CALN1: variants seen among roughly 807,000 people sequenced by gnomAD.
The protein encoded by CALN1 is calneuron 1, also known as calcium-binding protein 8.
Under a neutral mutation model 30.6 loss-of-function variants are expected in CALN1, and 17 were observed. That is an observed-to-expected ratio of 0.56 (90% confidence interval 0.38 to 0.83). CALN1 has a LOEUF of 0.83. CALN1 is among the 40% of genes least tolerant of loss of function. The pLI, the probability that CALN1 is intolerant of heterozygous loss-of-function variation, is 0.00. For missense variants in CALN1, 291 were observed against 354.9 expected (o/e 0.82, Z 1.45); for synonymous variants, 156 against 131.4 (o/e 1.19, Z -1.28).
intron 3 of CALN1, among the ~76,000 whole-genome samples, chr7:72,194,536 A>T (rs1462521511): frequency 9.2e-5 from 14 of 152,022 alleles, no homozygotes; most frequent in Admixed American, 9.2e-4. Context: ...TCTCAAACAA[A>T]AACAAAAACA....
At chr7:72,179,679 A>G (rs113136394) in intron 3 of CALN1, among the ~76,000 whole-genome samples, 35 of 152,324 alleles carry the variant, frequency 2.3e-4, no homozygotes, top group Middle Eastern at 3.4e-3. Flanking sequence ...ATCGCCATAT[A>G]ACCATAACTC....
intron 4 of CALN1, among the ~76,000 whole-genome samples, chr7:72,034,412 G>C (rs980955061): frequency 1.1e-4 from 16 of 151,356 alleles, no homozygotes; most frequent in Non-Finnish European, 2.4e-4. Flanking sequence ...GTCAGGAGGA[G>C]GACGTACTGG....
At chr7:72,429,811 G>A (rs1017850435) in intron 1 of CALN1, among the ~76,000 whole-genome samples, 32 of 150,208 alleles carry the variant, frequency 2.1e-4, no homozygotes, top group African/African-American at 7.8e-4. Context: ...GTGTATATAT[G>A]TATGTGTGTG....
At chr7:72,350,294 G>A (rs1193316843) in intron 2 of CALN1, among the ~76,000 whole-genome samples, 1 of 152,104 alleles carries the variant, frequency 6.6e-6, no homozygotes, top group Non-Finnish European at 1.5e-5. Flanking sequence ...ATACCCAAAG[G>A]AATATGAATC....
At chr7:72,000,462 C>A (rs1799469242) in intron 5 of CALN1, among the ~76,000 whole-genome samples, 1 of 151,834 alleles carries the variant, frequency 6.6e-6, no homozygotes, top group Non-Finnish European at 1.5e-5. Context: ...ACCACAAACC[C>A]CTAAAACAGA....
At chr7:72,482,052 G>T in the CALN1 span, among the ~76,000 whole-genome samples, 1 of 152,110 alleles carries the variant, frequency 6.6e-6, no homozygotes, top group East Asian at 1.9e-4. Context: ...CTGCCTTCAG[G>T]TATTTCGAAG....
intron 2 of CALN1, among the ~76,000 whole-genome samples, chr7:72,335,611 G>A (rs1444701027): frequency 1.3e-5 from 2 of 152,244 alleles, no homozygotes; most frequent in Non-Finnish European, 2.9e-5. Context: ...CCGGCTCAGG[G>A]CCTGGGGATG....
chr7:72,384,333 A>C (rs996412285), intron 2 of CALN1, among the ~76,000 whole-genome samples: 10 of 152,340 alleles, frequency 6.6e-5, no homozygotes, highest in African/African-American at 2.4e-4. Flanking sequence ...AGAATAAAAA[A>C]CGTATGTTGA....
At chr7:71,940,320 C>T (rs904015019) in intron 5 of CALN1, among the ~76,000 whole-genome samples, 1 of 152,180 alleles carries the variant, frequency 6.6e-6, no homozygotes, top group African/African-American at 2.4e-5. Flanking sequence ...GGATGGAGCC[C>T]TTCAAGTTCA....
chr7:72,351,517 T>C (rs1802915191), intron 2 of CALN1, among the ~76,000 whole-genome samples: 1 of 151,722 alleles, frequency 6.6e-6, no homozygotes, highest in East Asian at 1.9e-4. Flanking sequence ...ATGGGATTTA[T>C]AAGACATGTA....
intron 4 of CALN1, among the ~76,000 whole-genome samples, chr7:72,046,897 C>G (rs911498303): frequency 7.2e-5 from 11 of 151,732 alleles, no homozygotes; most frequent in Admixed American, 6.6e-4. Context: ...AACCCTGTCT[C>G]TACAAGAAAT....
intron 5 of CALN1, among the ~76,000 whole-genome samples, chr7:71,964,772 C>T (rs1797448761): frequency 1.3e-5 from 2 of 152,086 alleles, no homozygotes; most frequent in Admixed American, 1.3e-4. Context: ...ATGCCTGTTT[C>T]CCTCTGTATA....
intron 1 of CALN1, among the ~76,000 whole-genome samples, chr7:72,409,745 G>A (rs1362173962): frequency 2.0e-5 from 3 of 152,062 alleles, no homozygotes; most frequent in East Asian, 2.0e-4. Flanking sequence ...TTTAGCCTCT[G>A]GGACCCCATG....
intron 3 of CALN1, among the ~76,000 whole-genome samples, chr7:72,263,463 G>A (rs1336349860): frequency 6.6e-6 from 1 of 151,818 alleles, no homozygotes; most frequent in Non-Finnish European, 1.5e-5. Context: ...TGACATGATC[G>A]TGGCTCTCTG....
intron 2 of CALN1, among the ~76,000 whole-genome samples, chr7:72,367,516 T>C (rs1288599165): frequency 6.6e-6 from 1 of 152,022 alleles, no homozygotes; most frequent in Admixed American, 6.6e-5. Flanking sequence ...TCCCAGCTAC[T>C]TGGAAGGCTG....
chr7:72,263,105 C>T (rs1161878659), intron 3 of CALN1, among the ~76,000 whole-genome samples: 11 of 152,120 alleles, frequency 7.2e-5, no homozygotes. Flanking sequence ...GGTGGTGGTC[C>T]TTTGTCTGGG....
intron 5 of CALN1, among the ~76,000 whole-genome samples, chr7:72,017,294 TG>T (rs766820048): frequency 6.6e-6 from 1 of 151,902 alleles, no homozygotes; most frequent in African/African-American, 2.4e-5. Context: ...GAAAGGTTTC[TG>T]GGGAGTAGAT....
intron 2 of CALN1, among the ~76,000 whole-genome samples, chr7:72,356,214 T>C (rs569666657): frequency 3.3e-5 from 5 of 152,184 alleles, no homozygotes; most frequent in South Asian, 2.1e-4. Context: ...GAAAAAGATA[T>C]GGTTTCAAAT....
chr7:71,826,943 C>T (rs371922571), intron 5 of CALN1, among the ~76,000 whole-genome samples: 1 of 152,266 alleles, frequency 6.6e-6, no homozygotes, highest in East Asian at 1.9e-4. Flanking sequence ...TCTTATAAAG[C>T]ACAGCCCTGA....
Sources: gnomAD v4.1 joint callset for allele counts (sites outside exome capture counted in the v4.1 genomes callset) on GRCh38, gnomAD v4.1.1 for gene constraint, MANE v1.5 for transcripts, NCBI Gene and HGNC (gene_info 2026-07-23, HGNC 2026-07-21) for gene names.